Variants in CCDC73 observed in about 807,000 individuals in gnomAD.
CCDC73 encodes coiled-coil domain-containing protein 73.
Under a neutral mutation model 116.5 loss-of-function variants are expected in CCDC73, and 95 were observed. The ratio of observed to expected loss-of-function variants is 0.82; its 90% confidence interval spans 0.69 to 0.97. CCDC73 has a LOEUF of 0.97. CCDC73 is among the 50% of genes least tolerant of loss of function. CCDC73 has a pLI of 0.00. For missense variants in CCDC73, 1,066 were observed against 1,206.8 expected (o/e 0.88, Z 1.73); for synonymous variants, 398 against 401.3 (o/e 0.99, Z 0.10).
At chr11:32,632,760 T>C (rs894018265) in intron 14 of CCDC73, among the ~76,000 whole-genome samples, 1 of 152,028 alleles carries the variant, frequency 6.6e-6, no homozygotes, top group African/African-American at 2.4e-5. Context: ...GTGTATACTT[T>C]ACTAAAATAT....
At chr11:32,729,912 T>C (rs1015312643) in intron 2 of CCDC73, among the ~76,000 whole-genome samples, 4 of 152,206 alleles carry the variant, frequency 2.6e-5, no homozygotes, top group Admixed American at 2.6e-4. Context: ...AAGAAACAAA[T>C]TTACCAAGTA....
At chr11:32,646,714 C>T (rs1172331097) in intron 12 of CCDC73, among the ~76,000 whole-genome samples, 1 of 152,164 alleles carries the variant, frequency 6.6e-6, no homozygotes. Flanking sequence ...GATAAACTTA[C>T]ATCTGTCAGG....
intron 1 of CCDC73, among the ~76,000 whole-genome samples, chr11:32,762,504 T>G (rs1850400784): frequency 6.6e-6 from 1 of 152,120 alleles, no homozygotes; most frequent in Non-Finnish European, 1.5e-5. Context: ...TAAGTAGAAT[T>G]CAAAAGAGTT....
chr11:32,823,351 G>GTAA, the CCDC73 span, among the ~76,000 whole-genome samples: 6 of 152,146 alleles, frequency 3.9e-5, no homozygotes, highest in African/African-American at 1.4e-4. Flanking sequence ...GTGGGCATCT[G>GTAA]TAATCCCAGC....
intron 9 of CCDC73, among the ~76,000 whole-genome samples, chr11:32,666,970 C>T (rs777652697): frequency 6.6e-6 from 1 of 152,118 alleles, no homozygotes; most frequent in Non-Finnish European, 1.5e-5. Flanking sequence ...GCTGCAGAAC[C>T]GTGAATATCG....
chr11:32,820,469 A>G, the CCDC73 span, among the ~76,000 whole-genome samples: 3 of 152,152 alleles, frequency 2.0e-5, no homozygotes, highest in Non-Finnish European at 4.4e-5. Context: ...ACTTTTTAAT[A>G]TATGTAGAAA....
intron 15 of CCDC73, 84 bp downstream of exon 15, chr11:32,615,856 G>T: frequency 8.4e-7 from 1 of 1,193,590 alleles, no homozygotes; most frequent in Non-Finnish European, 1.2e-6. Flanking sequence ...ATGAAGAGGG[G>T]AGGCAGAATG....
chr11:32,797,009 CAAAAAAAAAAAAAA>C (rs1163144111), upstream of CCDC73, among the ~76,000 whole-genome samples: 2 of 74,620 alleles, frequency 2.7e-5, no homozygotes, highest in African/African-American at 5.4e-5. Context: ...GAGACTGCCT[CAAAAAAAAAAAAAA>C]AAAAAAAAAA....
intron 16 of CCDC73, among the ~76,000 whole-genome samples, chr11:32,611,660 A>G (rs1855423791): frequency 6.6e-6 from 1 of 152,200 alleles, no homozygotes; most frequent in African/African-American, 2.4e-5. Context: ...AGAACCAACT[A>G]CATACCAGAT....
intron 17 of CCDC73, chr11:32,603,535 T>C (rs1480043465): frequency 6.6e-6 from 1 of 152,366 alleles, no homozygotes; most frequent in Non-Finnish European, 1.5e-5. Flanking sequence ...CTAGCGTTTT[T>C]TTCTATTTTT....
chr11:32,767,956 G>A (rs1202382552), intron 1 of CCDC73, among the ~76,000 whole-genome samples: 12 of 152,154 alleles, frequency 7.9e-5, no homozygotes, highest in Non-Finnish European at 2.9e-5. Flanking sequence ...ATTTGACCCA[G>A]CCATCCCACT....
At chr11:32,766,534 G>T (rs1850444054) in intron 1 of CCDC73, among the ~76,000 whole-genome samples, 1 of 152,140 alleles carries the variant, frequency 6.6e-6, no homozygotes, top group African/African-American at 2.4e-5. Flanking sequence ...GTTTGCAGAT[G>T]ACATGATTGT....
At chr11:32,657,735 G>A (rs1855886523) in intron 9 of CCDC73, among the ~76,000 whole-genome samples, 1 of 152,102 alleles carries the variant, frequency 6.6e-6, no homozygotes, top group Admixed American at 6.5e-5. Context: ...CTTTACCAAA[G>A]ATCACAGCTA....
At position 32,613,668 on chromosome 11, in the gene CCDC73, A is replaced by G. The variant is rs1167787801; in HGVS notation, c.2650T>C (p.Ser884Pro). The stretch of plus-strand genomic sequence containing the variant: ...TCTGAAGTTGAAAGATCAAAGGTTG[A>G]CCTTCCGCTTCTGTTTACTAAATCT... ...SGDLVNRSGR[S>P]TFDLSTSDKK... The change falls in exon 16 of 18, where the codon TCA becomes CCA. Residue 884 changes from serine to proline, a missense_variant. By Grantham distance (74) the Ser-to-Pro change is moderately conservative (BLOSUM62 -1). Coordinates refer to ENST00000335185, the MANE Select transcript of CCDC73 (RefSeq NM_001008391.4). 6.2e-7 allele frequency: 1 copy of G among 1,614,096 alleles called. No homozygotes were observed. The highest frequency in any genetic ancestry group is 2.2e-5 in the East Asian group (1 of 44,874).
intron 2 of CCDC73, among the ~76,000 whole-genome samples, chr11:32,740,762 T>C (rs1850176485): frequency 6.6e-6 from 1 of 152,050 alleles, no homozygotes; most frequent in Admixed American, 6.6e-5. Flanking sequence ...AGATGTATAA[T>C]TAGGTTGTTT....
chr11:32,618,935 A>T (rs1330708627), intron 14 of CCDC73, among the ~76,000 whole-genome samples: 1 of 151,982 alleles, frequency 6.6e-6, no homozygotes, highest in Non-Finnish European at 1.5e-5. Context: ...ATGATTAGTG[A>T]TGTTGAACAT....
chr11:32,700,469 T>G (rs866471984), intron 5 of CCDC73, among the ~76,000 whole-genome samples: 4 of 152,204 alleles, frequency 2.6e-5, no homozygotes, highest in African/African-American at 9.6e-5. Flanking sequence ...TGCAGTGGAA[T>G]GGGAAGAACA....
chr11:32,627,967 TAATAAAAA>T (rs920183107), intron 14 of CCDC73, among the ~76,000 whole-genome samples: 1 of 152,092 alleles, frequency 6.6e-6, no homozygotes, highest in African/African-American at 2.4e-5. Flanking sequence ...AATTAAAGTA[TAATAAAAA>T]AATAAAAATA....
chr11:32,622,266 C>T (rs1565058767), intron 14 of CCDC73, among the ~76,000 whole-genome samples: 1 of 152,094 alleles, frequency 6.6e-6, no homozygotes, highest in Non-Finnish European at 1.5e-5. Context: ...GTCCAAATGT[C>T]CATCAATGAT....
Sources: gnomAD v4.1 joint callset for allele counts (sites outside exome capture counted in the v4.1 genomes callset) on GRCh38, gnomAD v4.1.1 for gene constraint, MANE v1.5 for transcripts, NCBI Gene and HGNC (gene_info 2026-07-23, HGNC 2026-07-21) for gene names.